RTP2: variants seen among roughly 807,000 people sequenced by gnomAD.
RTP2 encodes the protein receptor transporter protein 2, also known as receptor-transporting protein 2.
RTP2 carries 12 observed loss-of-function variants against 17.9 expected under a neutral mutation model. The ratio of observed to expected loss-of-function variants is 0.67; its 90% confidence interval spans 0.43 to 1.09. The LOEUF is 1.09. Among genes scored for constraint, RTP2 ranks in the 50% least tolerant of loss-of-function variants. RTP2 has a pLI of 0.00. For synonymous variants in RTP2, 126 were observed against 117.7 expected, an observed-to-expected ratio of 1.07 and a Z score of -0.46; for missense variants, 327 against 295.7, an observed-to-expected ratio of 1.11 and a Z score of -0.78.
Position 187,701,929 on chromosome 3 carries a change from G to T in RTP2, c.164+36C>A, listed in dbSNP as rs768535538. The T allele has an allele frequency of 2.6e-6, 4 of 1,531,960 alleles. No homozygotes were observed. In the Admixed American group the frequency reaches 7.6e-5, roughly 29 times the overall value. 94.9% of individuals were successfully genotyped at this position (1,531,960 alleles called of 1,614,324 possible). A position where few individuals can be genotyped will look rare whatever the true frequency, so the allele number is the denominator to read the frequency against. ...AGTACCCCACAGCTGTGACCCAGGG[G>T]CTGTCTGCAAGGTCCCTCCCCACTG... On this transcript the variant is annotated intron_variant, in intron 1 of 1. Transcript: ENST00000358241.
the RTP2 span, among the ~76,000 whole-genome samples, chr3:187,712,514 T>C: frequency 6.6e-6 from 1 of 152,226 alleles, no homozygotes; most frequent in African/African-American, 2.4e-5. Flanking sequence ...CAAAGTTCCA[T>C]ATTGTTACAT....
At chr3:187,703,977 ACAAT>A (rs1290490193), upstream of RTP2, among the ~76,000 whole-genome samples, 3 of 152,164 alleles carry the variant, frequency 2.0e-5, no homozygotes, top group African/African-American at 7.2e-5. Flanking sequence ...CACTTTTCAT[ACAAT>A]CAGTGAGCAC....
chr3:187,698,712 C>G (rs150186243), exon 2 of RTP2: 1 of 1,613,966 alleles, frequency 6.2e-7, no homozygotes, highest in Non-Finnish European at 8.5e-7. Flanking sequence ...GCAGGCCTCA[C>G]AGAACTCTGC....
the RTP2 span, among the ~76,000 whole-genome samples, chr3:187,713,528 A>T: frequency 3.4e-5 from 5 of 148,918 alleles, no homozygotes; most frequent in Admixed American, 3.4e-4. Flanking sequence ...CGCTGGTTAC[A>T]GAATCTTCTG....
At chr3:187,714,529 C>T in the RTP2 span, among the ~76,000 whole-genome samples, 1 of 152,266 alleles carries the variant, frequency 6.6e-6, no homozygotes, top group South Asian at 2.1e-4. Flanking sequence ...TACCTTCCTG[C>T]TTCCCTGGAG....
chr3:187,710,376 C>CATATAT, the RTP2 span, among the ~76,000 whole-genome samples: 922 of 142,942 alleles, frequency 6.5e-3, 12 homozygotes, highest in South Asian at 0.018. Flanking sequence ...CCTAAATATC[C>CATATAT]ATATATATAT....
upstream of RTP2, among the ~76,000 whole-genome samples, chr3:187,704,790 G>A (rs528604305): frequency 1.3e-5 from 2 of 152,154 alleles, no homozygotes; most frequent in Non-Finnish European, 2.9e-5. Flanking sequence ...GCGACAGCAT[G>A]GTCCAAGCTC....
chr3:187,699,042 G>A (rs1055666473), intron 1 of RTP2, 31 bp from the exon 2 acceptor site: 3 of 1,551,428 alleles, frequency 1.9e-6, no homozygotes, highest in Admixed American at 3.6e-5. Context: ...GGTGGAGAAG[G>A]TGGGCATCCC....
At chr3:187,714,116 G>T in the RTP2 span, among the ~76,000 whole-genome samples, 1 of 152,148 alleles carries the variant, frequency 6.6e-6, no homozygotes, top group Non-Finnish European at 1.5e-5. Context: ...GGGATATCTT[G>T]CTTCCTTAAC....
chr3:187,708,800 T>G, the RTP2 span, among the ~76,000 whole-genome samples: 1 of 152,142 alleles, frequency 6.6e-6, no homozygotes, highest in Non-Finnish European at 1.5e-5. Context: ...ACTATAATTA[T>G]TTTCCCCATT....
At chr3:187,699,142 A>T (rs1300632244) in intron 1 of RTP2, 131 bp from the exon 2 acceptor site, 1 of 1,126,248 alleles carries the variant, frequency 8.9e-7, no homozygotes, top group East Asian at 2.6e-5. Flanking sequence ...TGCCCTGTGG[A>T]TTCATTAGCA....
At chr3:187,698,915 C>T (rs768876160) in exon 2 of RTP2, 4 of 1,610,470 alleles carry the variant, frequency 2.5e-6, no homozygotes, top group Non-Finnish European at 3.4e-6. Context: ...CGCGCATGCG[C>T]ACCGAGCCCG....
upstream of RTP2, among the ~76,000 whole-genome samples, chr3:187,707,288 C>A (rs746483035): frequency 2.0e-5 from 3 of 152,090 alleles, no homozygotes; most frequent in Non-Finnish European, 2.9e-5. Flanking sequence ...GAGCATAGAC[C>A]CCACATTTGG....
exon 2 of RTP2, chr3:187,698,452 C>T: frequency 1.3e-6 from 2 of 1,517,918 alleles, no homozygotes; most frequent in East Asian, 2.3e-5. Context: ...CTGTGTCCTC[C>T]CCACTCTCAA....
chr3:187,711,132 G>A, the RTP2 span, among the ~76,000 whole-genome samples: 1 of 152,130 alleles, frequency 6.6e-6, no homozygotes, highest in African/African-American at 2.4e-5. Context: ...ATGGCTCAAA[G>A]AGTCTTCCAG....
At chr3:187,704,703 G>A (rs1717946532), upstream of RTP2, among the ~76,000 whole-genome samples, 14 of 152,246 alleles carry the variant, frequency 9.2e-5, no homozygotes, top group South Asian at 2.9e-3. Flanking sequence ...GATGCTATAG[G>A]GCGAATCCAA....
At chr3:187,707,376 C>T (rs1365407678), upstream of RTP2, among the ~76,000 whole-genome samples, 1 of 152,182 alleles carries the variant, frequency 6.6e-6, no homozygotes, top group African/African-American at 2.4e-5. Context: ...GGAAAACATG[C>T]ATTGTCACAG....
chr3:187,711,314 C>T, the RTP2 span, among the ~76,000 whole-genome samples: 2 of 152,188 alleles, frequency 1.3e-5, no homozygotes, highest in Non-Finnish European at 1.5e-5. Flanking sequence ...CAGAGATAGT[C>T]TTACCTTTAT....
chr3:187,709,931 T>C, the RTP2 span, among the ~76,000 whole-genome samples: 1 of 152,128 alleles, frequency 6.6e-6, no homozygotes. Flanking sequence ...GATGAATAAT[T>C]TTATATGTCA....
Sources: allele counts gnomAD v4.1 joint callset (sites outside exome capture counted in the v4.1 genomes callset), GRCh38; gene constraint gnomAD v4.1.1; transcripts MANE v1.5; gene names NCBI Gene and HGNC (gene_info 2026-07-23, HGNC 2026-07-21).